Variants in TUT7 observed in about 807,000 individuals in gnomAD.
TUT7 encodes terminal uridylyl transferase 7, also known as terminal uridylyltransferase 7.
A neutral mutation model predicts 165.9 loss-of-function variants in TUT7; 33 were observed. The ratio of observed to expected loss-of-function variants is 0.20; its 90% confidence interval spans 0.15 to 0.27. The LOEUF is 0.27. Ranked by LOEUF, TUT7 falls within the 10% of genes least tolerant of loss-of-function variation. The pLI, the probability that TUT7 is intolerant of heterozygous loss-of-function variation, is 1.00. For missense variants in TUT7, 1,338 were observed against 1,762.3 expected (o/e 0.76, Z 4.31); for synonymous variants, 552 against 608.1 (o/e 0.91, Z 1.36).
Position 86,323,836 on chromosome 9 carries a change from G to A in TUT7, c.1914C>T (p.Ser638=), listed in dbSNP as rs545789626. 1.2e-6 allele frequency: 2 copies of A among 1,614,012 alleles called. No individual in the cohort carries two copies. The highest frequency in any genetic ancestry group is 2.2e-5 in the East Asian group (1 of 44,866). Residue 638 remains serine, a synonymous_variant, in exon 13 of 27, where the codon TCC becomes TCT. Coordinates refer to ENST00000375963, the MANE Select transcript of TUT7 (RefSeq NM_024617.4). ...TTGCATTCAGAGGCTTTAGAAGGCTGGATTTTGTAATTTTGTGTGGAAGAG... is the reference window on the plus strand; with the variant it reads ...TTGCATTCAGAGGCTTTAGAAGGCTAGATTTTGTAATTTTGTGTGGAAGAG... ...YFALPHKITK[S]SLLKPLNAIT...
chr9:86,346,881 T>A (rs889107268), intron 2 of TUT7, among the ~76,000 whole-genome samples: 1 of 152,196 alleles, frequency 6.6e-6, no homozygotes, highest in African/African-American at 2.4e-5. Flanking sequence ...ATAATATCTG[T>A]AAGTACACCT....
At chr9:86,313,148 A>G (rs895616569) in intron 17 of TUT7, among the ~76,000 whole-genome samples, 2 of 151,088 alleles carry the variant, frequency 1.3e-5, no homozygotes, top group African/African-American at 4.8e-5. Context: ...AAATAAATAA[A>G]TAAATAAATA....
At position 86,328,466 on chromosome 9, in the gene TUT7, T is replaced by G. The variant is rs758779961; in HGVS notation, c.1482A>C (p.Leu494=). The G allele has an allele frequency of 1.1e-5, 18 of 1,609,416 alleles. No individual in the cohort carries two copies. Among genetic ancestry groups the G allele is most frequent in the Admixed American group, 1.7e-5 (1 of 59,154 alleles). ...CAATGTCTTGAAGGTTGAAATTCCC[T>G]AGTTTGCTTAATGAGAATCCTTCAA... ...SWIEGFSLSK[L]GNFNLQDIEK... is the part of the protein sequence containing the mutation. Residue 494 remains leucine, a synonymous_variant, in exon 11 of 27, where the codon CTA becomes CTC. Coordinates refer to ENST00000375963, the MANE Select transcript of TUT7 (RefSeq NM_024617.4).
Position 86,323,276 on chromosome 9 carries a change from T to A in TUT7, c.2474A>T (p.Asp825Val). The A allele has an allele frequency of 6.2e-7, 1 of 1,614,044 alleles. No homozygotes were observed. The highest frequency in any genetic ancestry group is 2.2e-5 in the East Asian group (1 of 44,878). ...ESTEGTEELE[D>V]SLNHFTHSVQ... Reference sequence around the variant, plus strand: ...TGAGTGGGTAAAGTGGTTTAGAGAGTCTTCTAGTTCCTCAGTACCTTCTGT... The same window carrying A: ...TGAGTGGGTAAAGTGGTTTAGAGAGACTTCTAGTTCCTCAGTACCTTCTGT... The change falls in exon 13 of 27, where the codon GAC becomes GTC. Residue 825 changes from aspartate (D) to valine (V), a missense_variant. Transcript: ENST00000375963.
chr9:86,293,701 A>C (rs1001492476), intron 26 of TUT7, among the ~76,000 whole-genome samples: 1 of 152,282 alleles, frequency 6.6e-6, no homozygotes, highest in East Asian at 1.9e-4. Context: ...ATCCTGATGA[A>C]ATAACTAGAC....
intron 10 of TUT7, 27 bp from the exon 11 acceptor site, chr9:86,328,519 A>G (rs745653170): frequency 1.0e-5 from 16 of 1,581,228 alleles, no homozygotes; most frequent in African/African-American, 1.4e-5. Context: ...ACATGCTAAA[A>G]TAAGATAGAA....
At chr9:86,337,373 G>C in intron 10 of TUT7, 46 bp downstream of exon 10, 1 of 1,570,580 alleles carries the variant, frequency 6.4e-7, no homozygotes, top group Non-Finnish European at 8.6e-7. Context: ...TTGTGGACCT[G>C]TAATAAAATC....
intron 10 of TUT7, among the ~76,000 whole-genome samples, chr9:86,336,230 G>T (rs148212847): frequency 1.3e-5 from 2 of 152,154 alleles, no homozygotes; most frequent in African/African-American, 4.8e-5. Flanking sequence ...AGATCAAGGT[G>T]AAAGGAAAAC....
At chr9:86,309,433 G>T (rs1564040943) in intron 20 of TUT7, 30 bp downstream of exon 20, 2 of 1,569,488 alleles carry the variant, frequency 1.3e-6, no homozygotes, top group Non-Finnish European at 1.7e-6. Context: ...CAGTTTTCCA[G>T]ATAAGAAATA....
At chr9:86,314,000 G>T (rs1390052267) in intron 17 of TUT7, among the ~76,000 whole-genome samples, 1 of 152,200 alleles carries the variant, frequency 6.6e-6, no homozygotes, top group African/African-American at 2.4e-5. Flanking sequence ...TGAATACTTA[G>T]AATATGCTAG....
intron 26 of TUT7, among the ~76,000 whole-genome samples, chr9:86,291,633 CAT>C (rs1411683161): frequency 2.7e-5 from 4 of 149,652 alleles, no homozygotes; most frequent in African/African-American, 9.8e-5. Flanking sequence ...TACAAATACA[CAT>C]GAGAACAACA....
At chr9:86,316,630 C>T (rs375471169) in intron 17 of TUT7, among the ~76,000 whole-genome samples, 3 of 152,176 alleles carry the variant, frequency 2.0e-5, no homozygotes, top group Admixed American at 6.5e-5. Flanking sequence ...GCCTGTCTGG[C>T]GTAGGCTTTG....
chr9:86,310,038 CTA>C, intron 18 of TUT7, 21 bp from the exon 19 acceptor site: 1 of 1,579,694 alleles, frequency 6.3e-7, no homozygotes, highest in South Asian at 1.1e-5. Flanking sequence ...GAAAATAACA[CTA>C]TAAGACTAAC....
At position 86,323,643 on chromosome 9, in the gene TUT7, T is replaced by C. The variant is rs1438278549; in HGVS notation, c.2107A>G (p.Ser703Gly). The C allele has an allele frequency of 3.1e-6, 5 of 1,614,222 alleles. No individual in the cohort carries two copies. The highest frequency in any genetic ancestry group is 4.2e-6 in the Non-Finnish European group (5 of 1,180,036). The change falls in exon 13 of 27, where the codon AGT becomes GGT. Residue 703 changes from serine to glycine, a missense_variant. By Grantham distance (56) the Ser-to-Gly change is moderately conservative. Coordinates refer to ENST00000375963, the MANE Select transcript of TUT7 (RefSeq NM_024617.4). ...TCTTCTTTTGGTGGGCTTCCAAAAC[T>C]TTCAGCAGTCTCTTTAAGAGTAAGT... is the stretch of plus-strand genomic sequence containing the variant. ...QPLTLKETAE[S>G]FGSPPKEEMG...
intron 2 of TUT7, among the ~76,000 whole-genome samples, chr9:86,351,083 G>A (rs1215764067): frequency 6.7e-6 from 1 of 149,876 alleles, no homozygotes; most frequent in Non-Finnish European, 1.5e-5. Context: ...ACAGTGAGAG[G>A]AGGTCACATC....
At chr9:86,297,938 A>G (rs1030188512) in intron 26 of TUT7, among the ~76,000 whole-genome samples, 2 of 15,906 alleles carry the variant, frequency 1.3e-4, no homozygotes, top group African/African-American at 2.0e-3. Context: ...TTTTTTTTCA[A>G]ATTTCTTCTG....
At chr9:86,346,234 A>G in intron 3 of TUT7, 65 bp downstream of exon 3, 1 of 1,516,972 alleles carries the variant, frequency 6.6e-7, no homozygotes, top group Non-Finnish European at 9.0e-7. Flanking sequence ...TGCATACTCA[A>G]TTAACAACAA....
intron 18 of TUT7, 142 bp downstream of exon 18, chr9:86,310,564 A>C: frequency 1.7e-6 from 1 of 602,254 alleles, no homozygotes; most frequent in Non-Finnish European, 3.0e-6. Flanking sequence ...GAACACTGCC[A>C]GGTTCACAGC....
chr9:86,320,682 G>T (rs761033813), intron 14 of TUT7, among the ~76,000 whole-genome samples: 1 of 152,090 alleles, frequency 6.6e-6, no homozygotes, highest in Non-Finnish European at 1.5e-5. Flanking sequence ...GCTGGGAAAT[G>T]CTACTACTCT....
Sources: gnomAD v4.1 joint callset for allele counts (sites outside exome capture counted in the v4.1 genomes callset) on GRCh38, gnomAD v4.1.1 for gene constraint, MANE v1.5 for transcripts, NCBI Gene and HGNC (gene_info 2026-07-23, HGNC 2026-07-21) for gene names.